FASTKD2: variants seen among roughly 807,000 people sequenced by gnomAD.
FASTKD2 encodes FAST kinase domains 2, also known as FAST kinase domain-containing protein 2, mitochondrial.
A neutral mutation model predicts 63.6 loss-of-function variants in FASTKD2; 51 were observed. The observed-to-expected ratio is 0.80, with a 90% CI of 0.64 to 1.01. FASTKD2 has a LOEUF of 1.01. Ranked by LOEUF, FASTKD2 falls within the 50% of genes least tolerant of loss-of-function variation. The pLI is 0.00. For synonymous variants in FASTKD2, 284 were observed against 293.4 expected (o/e 0.97, Z 0.33); for missense variants, 786 against 831.1 (o/e 0.95, Z 0.67).
intron 10 of FASTKD2, 46 bp from the exon 11 acceptor site, chr2:206,790,526 T>C (rs376182852): frequency 2.7e-6 from 3 of 1,102,454 alleles, no homozygotes; most frequent in Admixed American, 1.7e-5. Context: ...CAAGACTAAA[T>C]AGTAATATCA....
Position 206,774,213 on chromosome 2 carries a change from T to C in FASTKD2, c.1255-12T>C, listed in dbSNP as rs1689760343. The C allele has an allele frequency of 6.3e-7, 1 of 1,590,432 alleles. No individual in the cohort carries two copies. The highest frequency in any genetic ancestry group is 1.3e-5 in the African/African-American group (1 of 74,534). On this transcript the variant is annotated splice_polypyrimidine_tract_variant and intron_variant, in intron 6 of 11. Transcript: ENST00000402774. The stretch of plus-strand genomic sequence containing the variant: ...TTATTATAGAGTTTTCCCTCAATTT[T>C]CTCTTTTTAAGGTTCTTTTTATCCT...
chr2:206,775,906 G>GT (rs71230924), intron 7 of FASTKD2, among the ~76,000 whole-genome samples: 9,219 of 151,604 alleles, frequency 0.061, 427 homozygotes, highest in Admixed American at 0.13. Flanking sequence ...GTTTTGTTTT[G>GT]TTTTTTTGAT....
chr2:206,769,496 A>G (rs149535362), intron 2 of FASTKD2, among the ~76,000 whole-genome samples: 2 of 152,318 alleles, frequency 1.3e-5, no homozygotes, highest in African/African-American at 4.8e-5. Flanking sequence ...TCTGGAATCA[A>G]ACTTAGTACC....
At position 206,793,017 on chromosome 2, in the gene FASTKD2, G is replaced by A. The variant is rs111954117; in HGVS notation, c.*1215G>A. ...GGTGGGCTGATCATGAGGTCAGGAGGTCAAGACAATCCTGGCCAACACGGT... is the reference window on the plus strand; with the variant it reads ...GGTGGGCTGATCATGAGGTCAGGAGATCAAGACAATCCTGGCCAACACGGT... On this transcript the variant is annotated 3_prime_UTR_variant, in exon 12 of 12. Coordinates refer to ENST00000402774, the MANE Select transcript of FASTKD2 (RefSeq NM_001136193.2). Among the ~76,000 whole-genome samples, 28,481 of 151,788 alleles carry A rather than the reference G, an allele frequency of 0.19. 2,784 individuals are homozygous for A. The highest frequency in any genetic ancestry group is 0.22 in the South Asian group (1,068 of 4,794).
chr2:206,781,951 T>C (rs1224515923), intron 7 of FASTKD2, among the ~76,000 whole-genome samples: 5 of 152,152 alleles, frequency 3.3e-5, no homozygotes. Context: ...GTTGAAGACA[T>C]GCTCCACTCC....
chr2:206,790,264 C>T, intron 10 of FASTKD2: 1 of 335,888 alleles, frequency 3.0e-6, no homozygotes, highest in East Asian at 6.9e-5. Flanking sequence ...CAGAAATCAG[C>T]ACTACACAGA....
intron 7 of FASTKD2, 46 bp downstream of exon 7, chr2:206,774,443 CA>C (rs749337210): frequency 6.6e-6 from 8 of 1,221,100 alleles, no homozygotes; most frequent in East Asian, 4.7e-5. Context: ...ATATAACTTA[CA>C]AAAAAGGTTA....
At chr2:206,786,491 C>T in intron 7 of FASTKD2, 1 of 473,438 alleles carries the variant, frequency 2.1e-6, no homozygotes, top group South Asian at 2.1e-5. Context: ...ATAGTAATAC[C>T]CATGGAGTTT....
In FASTKD2 at chr2:206,788,127, T is replaced by A; in HGVS notation, c.1785T>A (p.Asp595Glu). The change falls in exon 9 of 12, where the codon GAT becomes GAA. Residue 595 changes from aspartate to glutamate, a missense_variant. Asp to Glu is a conservative substitution (Grantham distance 45, BLOSUM62 2). Coordinates refer to ENST00000402774, the MANE Select transcript of FASTKD2 (RefSeq NM_001136193.2). The stretch of plus-strand genomic sequence containing the variant: ...GAGGTGAAGGACACTTCTCAAAGGA[T>A]GTGCACTTGCCACACAATTATCATA... ...LLGGEGHFSK[D>E]VHLPHNYHID... The A allele has an allele frequency of 6.2e-7, 1 of 1,607,302 alleles. No individual in the cohort carries two copies. Among genetic ancestry groups the A allele is most frequent in the Non-Finnish European group, 8.5e-7 (1 of 1,175,496 alleles).
Position 206,786,808 on chromosome 2 carries a change from A to C in FASTKD2, c.1503A>C (p.Ala501=), listed in dbSNP as rs775544428. 1 of 1,613,478 alleles carries C rather than the reference A, an allele frequency of 6.2e-7. No individual in the cohort carries two copies. The highest frequency in any genetic ancestry group is 8.5e-7 in the Non-Finnish European group (1 of 1,179,432). ...HTISSENLLD[A]VYSFCLMNYF... Reference sequence around the variant, plus strand: ...TTTCTTCTGAAAACTTATTGGATGCAGTATATTCATTTTGCTTGATGAATT... The same window carrying C: ...TTTCTTCTGAAAACTTATTGGATGCCGTATATTCATTTTGCTTGATGAATT... Residue 501 remains alanine (A), a synonymous_variant, in exon 8 of 12, where the codon GCA becomes GCC. Coordinates refer to ENST00000402774, the MANE Select transcript of FASTKD2 (RefSeq NM_001136193.2).
intron 7 of FASTKD2, among the ~76,000 whole-genome samples, chr2:206,782,048 C>G (rs1175466587): frequency 6.6e-6 from 1 of 152,136 alleles, no homozygotes; most frequent in African/African-American, 2.4e-5. Flanking sequence ...AGCTGTCCAC[C>G]CCTTTTCCTT....
chr2:206,774,842 A>G (rs886191373), intron 7 of FASTKD2, among the ~76,000 whole-genome samples: 28 of 152,130 alleles, frequency 1.8e-4, no homozygotes, highest in African/African-American at 5.5e-4. Flanking sequence ...TGTACAGTGG[A>G]TCTCTAGGAC....
rs1690179194 is a variant in FASTKD2, at chr2:206,787,932, T to G, written c.1595-5T>G. The G allele has an allele frequency of 6.5e-7, 1 of 1,547,458 alleles. No homozygotes were observed. Among genetic ancestry groups the G allele is most frequent in the African/African-American group, 1.4e-5 (1 of 73,572 alleles). ...TAATGATATACTCTCTTTTTCATCT[T>G]TTAGATGACATGAAGAATGCTTACA... On this transcript the variant is annotated splice_region_variant and splice_polypyrimidine_tract_variant and intron_variant, in intron 8 of 11. Coordinates refer to ENST00000402774, the MANE Select transcript of FASTKD2 (RefSeq NM_001136193.2).
chr2:206,779,835 T>C (rs185571853), intron 7 of FASTKD2, among the ~76,000 whole-genome samples: 70 of 152,358 alleles, frequency 4.6e-4, no homozygotes, highest in African/African-American at 1.3e-3. Flanking sequence ...TTTCTTGTTA[T>C]CTTCCTTTGT....
intron 6 of FASTKD2, among the ~76,000 whole-genome samples, chr2:206,773,428 G>A (rs539606690): frequency 2.0e-5 from 3 of 151,980 alleles, no homozygotes; most frequent in African/African-American, 7.2e-5. Context: ...GATGGGTGAT[G>A]TGACAGGCTT....
intron 7 of FASTKD2, among the ~76,000 whole-genome samples, chr2:206,781,115 A>G (rs1283777719): frequency 2.0e-5 from 3 of 151,876 alleles, no homozygotes; most frequent in Non-Finnish European, 2.9e-5. Context: ...ATTACTGGAC[A>G]TTTATTTTGG....
At position 206,794,577 on chromosome 2, in the gene FASTKD2, G is replaced by A. The variant is rs1455372635; in HGVS notation, c.*2775G>A. ...TGATTGAGACATTTACCAGCTCTCC[G>A]AATTCTCAGTAGTTACCACTGAATA... is the stretch of plus-strand genomic sequence containing the variant. On this transcript the variant is annotated 3_prime_UTR_variant, in exon 12 of 12. Coordinates refer to ENST00000402774, the MANE Select transcript of FASTKD2 (RefSeq NM_001136193.2). Among the ~76,000 whole-genome samples, 3 of 152,034 alleles carry A rather than the reference G, an allele frequency of 2.0e-5. No individual in the cohort carries two copies. The highest frequency in any genetic ancestry group is 2.9e-5 in the Non-Finnish European group (2 of 67,996).
intron 7 of FASTKD2, among the ~76,000 whole-genome samples, chr2:206,778,803 G>A (rs1183359126): frequency 2.0e-5 from 3 of 152,060 alleles, no homozygotes; most frequent in Admixed American, 6.5e-5. Flanking sequence ...ATGGCATTAG[G>A]TTCTCATAGG....
At position 206,773,379 on chromosome 2, in the gene FASTKD2, G is replaced by A. The variant is rs190014520; in HGVS notation, c.1255-846G>A. Reference sequence around the variant, plus strand: ...TTGTTAGATATTTAGCATGATTTCCGTGTTTATACTTTGTTCTTGTTAGAT... The same window carrying A: ...TTGTTAGATATTTAGCATGATTTCCATGTTTATACTTTGTTCTTGTTAGAT... On this transcript the variant is annotated intron_variant, in intron 6 of 11. Transcript: ENST00000402774. Among the ~76,000 whole-genome samples the A allele has an allele frequency of 5.0e-4, 76 of 150,684 alleles. No individual in the cohort carries two copies. In the East Asian group the frequency reaches 0.013, roughly 25 times the overall value.
Sources: allele counts gnomAD v4.1 joint callset (sites outside exome capture counted in the v4.1 genomes callset), GRCh38; gene constraint gnomAD v4.1.1; transcripts MANE v1.5; gene names NCBI Gene and HGNC (gene_info 2026-07-23, HGNC 2026-07-21).